AP4S1: variants seen among roughly 807,000 people sequenced by gnomAD.
The protein encoded by AP4S1 is adaptor related protein complex 4 subunit sigma 1.
AP4S1 carries 23 observed loss-of-function variants against 19.8 expected under a neutral mutation model. That is an observed-to-expected ratio of 1.16 (90% CI 0.84 to 1.65). The LOEUF (loss-of-function observed/expected upper bound fraction) is 1.65. Among genes scored for constraint, AP4S1 ranks in the 40% most tolerant of loss-of-function variants. The probability of loss-of-function intolerance (pLI) is 0.00; values close to 1 mark genes in which losing one functional copy is unlikely to be tolerated. For synonymous variants in AP4S1, 46 were observed against 54.1 expected (o/e 0.85, Z 0.66); for missense variants, 166 against 172.8 (o/e 0.96, Z 0.22).
At chr14:31,047,053 A>G (rs1323331342) in intron 1 of AP4S1, among the ~76,000 whole-genome samples, 1 of 152,104 alleles carries the variant, frequency 6.6e-6, no homozygotes, top group Admixed American at 6.6e-5. Flanking sequence ...TAGGTGTGAA[A>G]TTGTATCTTA....
chr14:31,060,879 T>C (rs140592053), intron 1 of AP4S1, among the ~76,000 whole-genome samples: 54 of 151,276 alleles, frequency 3.6e-4, no homozygotes, highest in African/African-American at 1.2e-3. Flanking sequence ...TAAAGGAGAG[T>C]CTTGACTCCA....
At chr14:31,068,383 C>T (rs1230307902) in intron 2 of AP4S1, among the ~76,000 whole-genome samples, 1 of 152,216 alleles carries the variant, frequency 6.6e-6, no homozygotes, top group Non-Finnish European at 1.5e-5. Context: ...CATCAGTGCT[C>T]AGAAATAACA....
intron 1 of AP4S1, among the ~76,000 whole-genome samples, chr14:31,056,679 A>G (rs911509398): frequency 1.3e-5 from 2 of 152,186 alleles, no homozygotes; most frequent in Non-Finnish European, 2.9e-5. Flanking sequence ...TTTTTCATGC[A>G]GTGATTCGTT....
At chr14:31,049,474 T>TCACACACACACACACAC (rs1313078783) in intron 1 of AP4S1, among the ~76,000 whole-genome samples, 6 of 57,178 alleles carry the variant, frequency 1.0e-4, no homozygotes, top group East Asian at 4.9e-4. Context: ...TATATATATG[T>TCACACACACACACACAC]ACACACACAC....
At chr14:31,026,205 GGGGCGCAGGGCGAGACGCCGACAGCT>G in intron 1 of AP4S1, 3 of 1,399,682 alleles carry the variant, frequency 2.1e-6, no homozygotes, top group Non-Finnish European at 2.8e-6. Flanking sequence ...GGCCCCGGCC[GGGGCGCAGGGCGAGACGCCGACAGCT>G]GGGGGAAGGG....
intron 4 of AP4S1, among the ~76,000 whole-genome samples, chr14:31,079,768 A>C (rs1296105148): frequency 1.3e-5 from 2 of 152,060 alleles, no homozygotes; most frequent in African/African-American, 4.8e-5. Flanking sequence ...GGAGGTTGTA[A>C]TGAACCAAGA....
At chr14:31,030,898 C>T (rs899637399) in intron 1 of AP4S1, among the ~76,000 whole-genome samples, 4 of 152,152 alleles carry the variant, frequency 2.6e-5, no homozygotes, top group Middle Eastern at 3.2e-3. Flanking sequence ...AATGTGACTA[C>T]GTTCATTTTA....
At chr14:31,040,454 C>A (rs1458969833) in intron 1 of AP4S1, among the ~76,000 whole-genome samples, 1 of 152,032 alleles carries the variant, frequency 6.6e-6, no homozygotes, top group Admixed American at 6.6e-5. Flanking sequence ...AATTTTAATT[C>A]TAAATTCCTT....
chr14:31,077,225 C>T (rs939296019), intron 4 of AP4S1, among the ~76,000 whole-genome samples: 5 of 152,216 alleles, frequency 3.3e-5, no homozygotes, highest in Admixed American at 2.6e-4. Flanking sequence ...GCGTGAGCCA[C>T]CACACCCAGC....
intron 1 of AP4S1, among the ~76,000 whole-genome samples, chr14:31,045,814 T>C (rs1396398144): frequency 1.3e-5 from 2 of 152,046 alleles, no homozygotes; most frequent in African/African-American, 4.8e-5. Context: ...TCATAACCCC[T>C]GAGTTTATAC....
At chr14:31,037,728 T>A (rs979777422) in intron 1 of AP4S1, among the ~76,000 whole-genome samples, 2 of 152,160 alleles carry the variant, frequency 1.3e-5, no homozygotes, top group African/African-American at 4.8e-5. Context: ...GGTGGGAGGA[T>A]TGTTTGAGCC....
chr14:31,066,585 C>T (rs1288913914), intron 2 of AP4S1, among the ~76,000 whole-genome samples: 1 of 152,166 alleles, frequency 6.6e-6, no homozygotes, highest in Non-Finnish European at 1.5e-5. Context: ...TCTCAATGCA[C>T]CTTGGAAACG....
At position 31,072,937 on chromosome 14, in the gene AP4S1, C is replaced by T; in HGVS notation, c.258C>T (p.Asn86=). The T allele has an allele frequency of 1.2e-6, 2 of 1,613,882 alleles. No homozygotes were observed. Among genetic ancestry groups the T allele is most frequent in the Non-Finnish European group, 1.7e-6 (2 of 1,179,830 alleles). ...NEMAIYEFIH[N]FVEVLDEYFS... is the part of the protein sequence containing the mutation. ...TGGCTATTTATGAATTCATTCATAA[C>T]TTTGTGGAAGTTTTAGATGAGTATT... Residue 86 remains asparagine, a synonymous_variant, in exon 4 of 6, where the codon AAC becomes AAT. Coordinates refer to ENST00000542754, the MANE Select transcript of AP4S1 (RefSeq NM_001128126.3).
At chr14:31,069,571 C>A (rs1047640743) in intron 2 of AP4S1, among the ~76,000 whole-genome samples, 1 of 152,170 alleles carries the variant, frequency 6.6e-6, no homozygotes, top group African/African-American at 2.4e-5. Context: ...CTGACTTCCA[C>A]GCAGAGCAAA....
rs1201858111 is a variant in AP4S1 at position 31,092,952 on chromosome 14, G to C, written c.352G>C (p.Val118Leu). The change falls in exon 6 of 6, where the codon GTG (valine) becomes CTG (leucine). Residue 118 changes from valine (V) to leucine (L), a missense_variant. Physicochemically the swap from Val to Leu is conservative, Grantham distance 32. Coordinates refer to ENST00000542754, the MANE Select transcript of AP4S1 (RefSeq NM_001128126.3). ...AGTACACATCATTTTGGATGAGATGGTGTTAAATGGCTGCATTGTGGAAAC... is the reference window on the plus strand; with the variant it reads ...AGTACACATCATTTTGGATGAGATGCTGTTAAATGGCTGCATTGTGGAAAC... ...DKVHIILDEMVLNGCIVETNR... is the reference protein window; with the variant it reads ...DKVHIILDEMLLNGCIVETNR... 3 of 1,546,746 alleles carry C rather than the reference G, an allele frequency of 1.9e-6. No individual in the cohort carries two copies. In the South Asian group the frequency reaches 3.6e-5, roughly 18 times the overall value.
At chr14:31,089,783 G>T (rs1265734050) in intron 5 of AP4S1, among the ~76,000 whole-genome samples, 1 of 152,034 alleles carries the variant, frequency 6.6e-6, no homozygotes, top group Non-Finnish European at 1.5e-5. Context: ...GCTGGGTGTG[G>T]TGGCACATGC....
chr14:31,067,255 C>CT (rs1176264389), intron 2 of AP4S1, among the ~76,000 whole-genome samples: 22 of 146,494 alleles, frequency 1.5e-4, no homozygotes, highest in African/African-American at 4.0e-4. Context: ...AAACTGCGTC[C>CT]TTTTTTTTTT....
At position 31,038,332 on chromosome 14, in the gene AP4S1, A is replaced by G. The variant is rs1481099769; in HGVS notation, c.-72+12545A>G. 2.0e-5 allele frequency among the ~76,000 whole-genome samples: 3 copies of G among 152,238 alleles called. No individual in the cohort carries two copies. The South Asian group carries it at 6.2e-4, about 32-fold the overall frequency. On this transcript the variant is annotated intron_variant, in intron 1 of 5. Transcript: ENST00000542754. ...CTTTATTGTCCTAAATTTTCACATT[A>G]TCTGATTGAGCCACTTCTTTGACAT...
At chr14:31,077,739 CTTTTTTT>C (rs71112379) in intron 4 of AP4S1, among the ~76,000 whole-genome samples, 1 of 135,236 alleles carries the variant, frequency 7.4e-6, no homozygotes, top group Non-Finnish European at 1.6e-5. Flanking sequence ...TTTCTTTTTT[CTTTTTTT>C]TTTTTTTTGA....
Sources: gnomAD v4.1 joint callset for allele counts (sites outside exome capture counted in the v4.1 genomes callset) on GRCh38, gnomAD v4.1.1 for gene constraint, MANE v1.5 for transcripts, NCBI Gene and HGNC (gene_info 2026-07-23, HGNC 2026-07-21) for gene names.